The following KDF1 variants were observed in gnomAD, a reference collection of about 807,000 sequenced individuals.
KDF1 encodes RP11-344H11.3.
A neutral mutation model predicts 31.6 loss-of-function variants in KDF1; 11 were observed. That is an observed-to-expected ratio of 0.35 (90% CI 0.22 to 0.58). The LOEUF (loss-of-function observed/expected upper bound fraction) is 0.58, where lower values mean the gene tolerates loss of function less well. KDF1 is among the 20% of genes least tolerant of loss of function. The pLI is 0.83. For synonymous variants in KDF1, 205 were observed against 214.4 expected, an observed-to-expected ratio of 0.96 and a Z score of 0.38; for missense variants, 476 against 549.1, an observed-to-expected ratio of 0.87 and a Z score of 1.33.
intron 1 of KDF1, among the ~76,000 whole-genome samples, chr1:26,955,090 T>G (rs1428260066): frequency 1.3e-5 from 2 of 151,968 alleles, no homozygotes; most frequent in Non-Finnish European, 2.9e-5. Flanking sequence ...ACTCCTGACC[T>G]CAGGTGATCT....
intron 1 of KDF1, among the ~76,000 whole-genome samples, chr1:26,954,294 G>A (rs912037868): frequency 6.6e-6 from 1 of 151,314 alleles, no homozygotes; most frequent in Non-Finnish European, 1.5e-5. Flanking sequence ...TACCATCTCG[G>A]CTCACTACAA....
At position 26,952,992 on chromosome 1, in the gene KDF1, AAAAG is replaced by A. The variant is rs1360630441; in HGVS notation, c.-32-584_-32-581del. Among the ~76,000 whole-genome samples the A allele has an allele frequency of 3.3e-5, 5 of 152,076 alleles. No individual in the cohort carries two copies. Among genetic ancestry groups the A allele is most frequent in the South Asian group, 2.1e-4 (1 of 4,832 alleles). ...GGGCGAGACTGTGTCTCAAAAAAAA[AAAAG>A]AAAGAAAAAGAAAAAAAGAAAGGTT... On this transcript the variant is annotated intron_variant, in intron 1 of 3. Coordinates refer to ENST00000320567, the MANE Select transcript of KDF1 (RefSeq NM_152365.3). This position sits in a 1 kb window ranked among gnomAD's most constrained non-coding sequence, Gnocchi z 4.1.
In KDF1 at chr1:26,952,440, C is replaced by A; in HGVS notation, c.-32-28G>T. The A allele has an allele frequency of 6.9e-7, 1 of 1,440,168 alleles. No individual in the cohort carries two copies. The highest frequency in any genetic ancestry group is 1.4e-5 in the South Asian group (1 of 71,678). 89.2% of individuals were successfully genotyped at this position (1,440,168 alleles called of 1,614,324 possible). On this transcript the variant is annotated intron_variant, in intron 1 of 3. Coordinates refer to ENST00000320567, the MANE Select transcript of KDF1 (RefSeq NM_152365.3). The surrounding 1 kb of genome is among the most constrained non-coding windows in gnomAD (Gnocchi z 4.1). ...GCGTGGGGAGAGGCCAGGAAGGAGTCAGGATCAGAGGTGAGGGACAAACTC... is the reference window on the plus strand; with the variant it reads ...GCGTGGGGAGAGGCCAGGAAGGAGTAAGGATCAGAGGTGAGGGACAAACTC...
Position 26,952,809 on chromosome 1 carries a change from C to T in KDF1, c.-32-397G>A, listed in dbSNP as rs1027950610. ...CAACCTGACTAACATGGTGAAACTC[C>T]GTCTCTACTAAAAATACAAAAAAAA... On this transcript the variant is annotated intron_variant, in intron 1 of 3. Transcript: ENST00000320567. This position sits in a 1 kb window ranked among gnomAD's most constrained non-coding sequence, Gnocchi z 4.1. Among the ~76,000 whole-genome samples, 1 of 151,870 alleles carries T rather than the reference C, an allele frequency of 6.6e-6. No homozygotes were observed. The highest frequency in any genetic ancestry group is 1.5e-5 in the Non-Finnish European group (1 of 67,992).
Position 26,952,165 on chromosome 1 carries a change from G to A in KDF1, c.216C>T (p.Pro72=), listed in dbSNP as rs765977534. The part of the protein sequence containing the change: ...SGSAEPALES[P]TCCLLWRPWV... The stretch of plus-strand genomic sequence containing the variant: ...AGGGTCGCCAGAGCAGGCAGCAGGT[G>A]GGGGACTCAAGGGCCGGCTCAGCAG... Residue 72 remains proline (P), a synonymous_variant, in exon 2 of 4, where the codon CCC becomes CCT. Coordinates refer to ENST00000320567, the MANE Select transcript of KDF1 (RefSeq NM_152365.3). The surrounding 1 kb of genome is among the most constrained non-coding windows in gnomAD (Gnocchi z 4.1). The A allele has an allele frequency of 1.3e-5, 21 of 1,613,494 alleles. No individual in the cohort carries two copies. Among genetic ancestry groups the A allele is most frequent in the Non-Finnish European group, 1.7e-5 (20 of 1,179,862 alleles).
chr1:26,960,185 G>A lies in KDF1; in HGVS notation c.-33+165C>T, dbSNP rs1179390106. 1.5e-4 allele frequency among the ~76,000 whole-genome samples: 23 copies of A among 152,088 alleles called. No individual in the cohort carries two copies. The East Asian group carries it at 4.1e-3, about 27-fold the overall frequency. Reference sequence around the variant, plus strand: ...CCCATTCTGCGCGCCCAGCCCGGGCGCCCGCTCAGGCCGCTCCCCAGCCCG... The same window carrying A: ...CCCATTCTGCGCGCCCAGCCCGGGCACCCGCTCAGGCCGCTCCCCAGCCCG... On this transcript the variant is annotated intron_variant, in intron 1 of 3. Transcript: ENST00000320567. The surrounding 1 kb of genome is among the most constrained non-coding windows in gnomAD (Gnocchi z 4.9).
intron 1 of KDF1, among the ~76,000 whole-genome samples, chr1:26,957,110 G>GT (rs1299560679): frequency 6.6e-6 from 1 of 152,000 alleles, no homozygotes. Flanking sequence ...GTTTTGTTTT[G>GT]TTTTTTGGTA....
chr1:26,955,844 A>G (rs2082375210), intron 1 of KDF1, among the ~76,000 whole-genome samples: 1 of 152,180 alleles, frequency 6.6e-6, no homozygotes, highest in Admixed American at 6.5e-5. Flanking sequence ...AATCCCAGCT[A>G]TGCAGGAGGC....
In KDF1 at chr1:26,950,670, T is replaced by G. The variant is rs749687849; in HGVS notation, c.1114+12A>C. On this transcript the variant is annotated intron_variant, in intron 3 of 3. Coordinates refer to ENST00000320567, the MANE Select transcript of KDF1 (RefSeq NM_152365.3). This position sits in a 1 kb window ranked among gnomAD's most constrained non-coding sequence, Gnocchi z 4.0. ...CCCACCCTCCACACCCCTCATTAGG[T>G]CAAGACCACACCTGGAGCTCCATAA... 6.2e-7 allele frequency: 1 copy of G among 1,605,960 alleles called. No individual in the cohort carries two copies. The highest frequency in any genetic ancestry group is 1.1e-5 in the South Asian group (1 of 90,918).
intron 1 of KDF1, among the ~76,000 whole-genome samples, chr1:26,959,751 G>A (rs1298282247): frequency 1.3e-5 from 2 of 152,098 alleles, no homozygotes; most frequent in Non-Finnish European, 2.9e-5. Context: ...GGCCGCACCA[G>A]CCTCTGCCCC....
At position 26,949,949 on chromosome 1, in the gene KDF1, G is replaced by A; in HGVS notation, c.*120C>T. 1 of 973,670 alleles carries A rather than the reference G, an allele frequency of 1.0e-6. No homozygotes were observed. Among genetic ancestry groups the A allele is most frequent in the East Asian group, 2.7e-5 (1 of 37,732 alleles). 60.3% of individuals were successfully genotyped at this position (973,670 alleles called of 1,614,324 possible). ...AGGAACCCAGTCAGCCAAGGCAGGA[G>A]GAGCCAGAGTGGGCACTGCTTCAGG... On this transcript the variant is annotated 3_prime_UTR_variant, in exon 4 of 4. Coordinates refer to ENST00000320567, the MANE Select transcript of KDF1 (RefSeq NM_152365.3).
chr1:26,950,565 C>T lies in KDF1; in HGVS notation c.1114+117G>A, dbSNP rs2082343259. 3.5e-6 allele frequency: 3 copies of T among 852,978 alleles called. No individual in the cohort carries two copies. Among genetic ancestry groups the T allele is most frequent in the Non-Finnish European group, 3.9e-6 (2 of 516,754 alleles). 52.8% of individuals were successfully genotyped at this position (852,978 alleles called of 1,614,324 possible). A position where few individuals can be genotyped will look rare whatever the true frequency, so the allele number is the denominator to read the frequency against. On this transcript the variant is annotated intron_variant, in intron 3 of 3. Transcript: ENST00000320567. The surrounding 1 kb of genome is among the most constrained non-coding windows in gnomAD (Gnocchi z 4.0). ...AGACAGGTCTGTGGCTGCTTAGGTC[C>T]CCGTCCCTTTTTGATGTCATCCTCA...
In KDF1 at chr1:26,951,731, T is replaced by G. The variant is rs771990259; in HGVS notation, c.650A>C (p.Tyr217Ser). Reference protein sequence around the residue: ...ASSPRGSEEYYSFHESDLDLP... With the variant: ...ASSPRGSEEYSSFHESDLDLP... ...GTCCAGGTCCGACTCATGGAAAGAA[T>G]AGTACTCCTCGGAGCCACGAGGACT... is the stretch of plus-strand genomic sequence containing the variant. Residue 217 changes from tyrosine (Y) to serine (S), a missense_variant, in exon 2 of 4, where the codon TAT becomes TCT. Transcript: ENST00000320567. The surrounding 1 kb of genome is among the most constrained non-coding windows in gnomAD (Gnocchi z 5.4). 1 of 1,613,836 alleles carries G rather than the reference T, an allele frequency of 6.2e-7. No individual in the cohort carries two copies. Among genetic ancestry groups the G allele is most frequent in the African/African-American group, 1.3e-5 (1 of 74,916 alleles).
intron 1 of KDF1, among the ~76,000 whole-genome samples, chr1:26,957,890 C>T (rs962152676): frequency 2.0e-5 from 3 of 152,120 alleles, no homozygotes; most frequent in Admixed American, 1.3e-4. Flanking sequence ...TCTTGGCTCA[C>T]TGCAACCTCT....
At chr1:26,954,225 T>G (rs1192388600) in intron 1 of KDF1, among the ~76,000 whole-genome samples, 3 of 124,742 alleles carry the variant, frequency 2.4e-5, no homozygotes, top group Admixed American at 1.6e-4. Context: ...CTTAAATATG[T>G]TTTTTTTTTT....
chr1:26,951,933 G>T lies in KDF1; in HGVS notation c.448C>A (p.Arg150=), dbSNP rs201518791. 4.1e-4 allele frequency: 659 copies of T among 1,604,472 alleles called. 5 individuals are homozygous for T. The highest frequency in any genetic ancestry group is 3.7e-5 in the Non-Finnish European group (43 of 1,173,552). Residue 150 remains arginine (R), a synonymous_variant, in exon 2 of 4, where the codon CGG becomes AGG. Transcript: ENST00000320567. This position sits in a 1 kb window ranked among gnomAD's most constrained non-coding sequence, Gnocchi z 5.4. ...RAPPSRRDGQ[R]LKSTMGSSFS... ...CTGCTGCCCATGGTTGACTTGAGCC[G>T]CTGGCCATCCCGCCGGCTGGGGGGT...
Position 26,949,964 on chromosome 1 carries a change from A to G in KDF1, c.*105T>C. 1 of 1,164,836 alleles carries G rather than the reference A, an allele frequency of 8.6e-7. No homozygotes were observed. Among genetic ancestry groups the G allele is most frequent in the South Asian group, 1.4e-5 (1 of 73,794 alleles). 72.2% of individuals were successfully genotyped at this position (1,164,836 alleles called of 1,614,324 possible). On this transcript the variant is annotated 3_prime_UTR_variant, in exon 4 of 4. Coordinates refer to ENST00000320567, the MANE Select transcript of KDF1 (RefSeq NM_152365.3). ...CAAGGCAGGAGGAGCCAGAGTGGGC[A>G]CTGCTTCAGGTCTAAGCCTCTCCCA...
chr1:26,954,511 A>T (rs1162823710), intron 1 of KDF1, among the ~76,000 whole-genome samples: 2 of 151,674 alleles, frequency 1.3e-5, no homozygotes, highest in Non-Finnish European at 2.9e-5. Context: ...GGAATGAGCC[A>T]CTGCGCCTGG....
rs1385168485 is a variant in KDF1, at chr1:26,950,656, C to T, written c.1114+26G>A. On this transcript the variant is annotated intron_variant, in intron 3 of 3. Coordinates refer to ENST00000320567, the MANE Select transcript of KDF1 (RefSeq NM_152365.3). The surrounding 1 kb of genome is among the most constrained non-coding windows in gnomAD (Gnocchi z 4.0). The stretch of plus-strand genomic sequence containing the variant: ...CCCTAGGGTAGTCCCCCACCCTCCA[C>T]ACCCCTCATTAGGTCAAGACCACAC... 3 of 1,600,998 alleles carry T rather than the reference C, an allele frequency of 1.9e-6. No individual in the cohort carries two copies. The highest frequency in any genetic ancestry group is 2.2e-5 in the South Asian group (2 of 90,812).
Sources: allele counts gnomAD v4.1 joint callset (sites outside exome capture counted in the v4.1 genomes callset), GRCh38; gene constraint gnomAD v4.1.1; non-coding constraint Gnocchi (gnomAD v3.1); transcripts MANE v1.5; gene names NCBI Gene and HGNC (gene_info 2026-07-23, HGNC 2026-07-21).